The following GLRA3 variants were observed in gnomAD, a reference collection of about 807,000 sequenced individuals.
GLRA3 encodes the protein glycine receptor subunit alpha-3.
Under a neutral mutation model 60.4 loss-of-function variants are expected in GLRA3, and 44 were observed. That is an observed-to-expected ratio of 0.73 (90% CI 0.57 to 0.94). The LOEUF is 0.94. Among genes scored for constraint, GLRA3 ranks in the 40% least tolerant of loss-of-function variants. The probability of loss-of-function intolerance (pLI) is 0.00; values close to 1 mark genes in which losing one functional copy is unlikely to be tolerated. For missense variants in GLRA3, 508 were observed against 564.6 expected, an observed-to-expected ratio of 0.90 and a Z score of 1.02; for synonymous variants, 223 against 192.9, an observed-to-expected ratio of 1.16 and a Z score of -1.29.
chr4:174,824,117 C>A (rs1298346725), intron 1 of GLRA3, among the ~76,000 whole-genome samples: 1 of 152,208 alleles, frequency 6.6e-6, no homozygotes, highest in African/African-American at 2.4e-5. Context: ...GGAAACCTAG[C>A]TCTTCTGCAA....
intron 3 of GLRA3, among the ~76,000 whole-genome samples, chr4:174,729,147 T>A (rs960036683): frequency 6.6e-6 from 1 of 152,214 alleles, no homozygotes; most frequent in Non-Finnish European, 1.5e-5. Flanking sequence ...TGTTTAAAAC[T>A]TGCTGTTCCA....
At chr4:174,656,067 G>A (rs1017895648) in intron 9 of GLRA3, among the ~76,000 whole-genome samples, 7 of 152,024 alleles carry the variant, frequency 4.6e-5, no homozygotes, top group Non-Finnish European at 1.0e-4. Context: ...GTAGATTTCT[G>A]TTTAATTATT....
chr4:174,820,449 G>A (rs1411659566), intron 1 of GLRA3, among the ~76,000 whole-genome samples: 1 of 152,142 alleles, frequency 6.6e-6, no homozygotes, highest in African/African-American at 2.4e-5. Flanking sequence ...CCAGCAGAGA[G>A]AACTGGGAAT....
At chr4:174,712,269 CTTTGT>C (rs1735744263) in intron 5 of GLRA3, among the ~76,000 whole-genome samples, 1 of 152,030 alleles carries the variant, frequency 6.6e-6, no homozygotes. Flanking sequence ...TCACTTTCTC[CTTTGT>C]TTTAACAGTA....
intron 5 of GLRA3, among the ~76,000 whole-genome samples, chr4:174,691,620 G>C (rs571384678): frequency 2.0e-5 from 3 of 152,312 alleles, no homozygotes; most frequent in Non-Finnish European, 4.4e-5. Flanking sequence ...TCTCCAGCTC[G>C]TAACCGCGAG....
chr4:174,770,465 A>G (rs1738334997), intron 2 of GLRA3, among the ~76,000 whole-genome samples: 1 of 152,108 alleles, frequency 6.6e-6, no homozygotes, highest in Non-Finnish European at 1.5e-5. Context: ...CAGAGAGAGG[A>G]GTCAGGGCTT....
intron 5 of GLRA3, among the ~76,000 whole-genome samples, chr4:174,707,077 A>G (rs1201509542): frequency 6.6e-6 from 1 of 152,218 alleles, no homozygotes; most frequent in Non-Finnish European, 1.5e-5. Flanking sequence ...TGTTATTCTT[A>G]TAAGCAAGGA....
chr4:174,704,158 A>G lies in GLRA3; in HGVS notation c.574+11330T>C, dbSNP rs527563729. On this transcript the variant is annotated intron_variant, in intron 5 of 9. Coordinates refer to ENST00000274093, the MANE Select transcript of GLRA3 (RefSeq NM_006529.4). ...AAAAATACAAAAATTAGCCAGATGT[A>G]GTGGTGTATGTCTGTAGTCCCAGCT... Among the ~76,000 whole-genome samples the G allele has an allele frequency of 5.6e-5, 8 of 142,678 alleles. 1 individual carries two copies. In the South Asian group the frequency reaches 1.8e-3, roughly 32 times the overall value. The allele number at this position is 142,678 out of a possible 152,430, so 93.6% of individuals were successfully genotyped here.
chr4:174,645,943 G>A (rs575749665), intron 9 of GLRA3, among the ~76,000 whole-genome samples: 5 of 152,280 alleles, frequency 3.3e-5, no homozygotes, highest in African/African-American at 1.2e-4. Context: ...GCTGGTGTTT[G>A]CATTTCTAAA....
chr4:174,743,283 T>G (rs187241396), intron 3 of GLRA3, among the ~76,000 whole-genome samples: 3 of 152,318 alleles, frequency 2.0e-5, no homozygotes, highest in Admixed American at 2.0e-4. Flanking sequence ...TTAAAGAATC[T>G]AATATCCTCT....
intron 3 of GLRA3, among the ~76,000 whole-genome samples, chr4:174,738,662 G>A (rs1050732919): frequency 3.9e-5 from 6 of 152,110 alleles, no homozygotes; most frequent in African/African-American, 1.4e-4. Flanking sequence ...GATCTGTTCG[G>A]AATCGATTGA....
Position 174,677,206 on chromosome 4 carries a change from T to A in GLRA3, c.799A>T (p.Ile267Phe). 3 of 1,612,048 alleles carry A rather than the reference T, an allele frequency of 1.9e-6. No homozygotes were observed. Among genetic ancestry groups the A allele is most frequent in the Non-Finnish European group, 2.5e-6 (3 of 1,178,174 alleles). ...LIQMYIPSLLIVILSWVSFWI... is the reference protein window; with the variant it reads ...LIQMYIPSLLFVILSWVSFWI... The stretch of plus-strand genomic sequence containing the variant: ...AATGAAACCCAGGATAGAATAACAA[T>A]CAGGAGACTGGGAATGTACATCTGG... Residue 267 changes from isoleucine (I) to phenylalanine (F), a missense_variant, in exon 7 of 10, where the codon ATT becomes TTT. Ile to Phe is a conservative substitution (Grantham distance 21). Coordinates refer to ENST00000274093, the MANE Select transcript of GLRA3 (RefSeq NM_006529.4).
intron 9 of GLRA3, among the ~76,000 whole-genome samples, chr4:174,652,471 CTA>C (rs1733054510): frequency 6.6e-6 from 1 of 151,952 alleles, no homozygotes; most frequent in Admixed American, 6.6e-5. Context: ...AACCTTCTTA[CTA>C]TGTTTCAAGC....
intron 2 of GLRA3, 44 bp from the exon 3 acceptor site, chr4:174,767,074 TA>T: frequency 3.0e-6 from 3 of 991,856 alleles, no homozygotes; most frequent in Non-Finnish European, 4.8e-6. Context: ...GAGACTTATC[TA>T]AAACATTTTC....
chr4:174,825,579 T>C (rs1218693312), intron 1 of GLRA3, among the ~76,000 whole-genome samples: 1 of 152,104 alleles, frequency 6.6e-6, no homozygotes, highest in Non-Finnish European at 1.5e-5. Context: ...TTGGAAGTTG[T>C]TCTGCAAGCT....
chr4:174,669,506 A>G (rs766780103), intron 7 of GLRA3, among the ~76,000 whole-genome samples: 15 of 152,156 alleles, frequency 9.9e-5, no homozygotes, highest in Non-Finnish European at 1.5e-4. Context: ...CATGCTGATT[A>G]TCATAGTCAT....
intron 1 of GLRA3, among the ~76,000 whole-genome samples, chr4:174,798,928 G>GA (rs763905110): frequency 2.1e-3 from 285 of 134,930 alleles, no homozygotes; most frequent in African/African-American, 3.4e-3. Flanking sequence ...CTGAAAAAAG[G>GA]AAAAAAAAAA....
At chr4:174,687,111 T>C (rs1734578816) in intron 5 of GLRA3, among the ~76,000 whole-genome samples, 1 of 152,218 alleles carries the variant, frequency 6.6e-6, no homozygotes, top group Non-Finnish European at 1.5e-5. Context: ...GTAAAACTTC[T>C]AGTGCTTTAA....
intron 3 of GLRA3, among the ~76,000 whole-genome samples, chr4:174,746,409 G>A (rs2111184042): frequency 6.6e-6 from 1 of 152,190 alleles, no homozygotes. Flanking sequence ...GACAAATATT[G>A]CACCTTCACA....
Sources: gnomAD v4.1 joint callset for allele counts (sites outside exome capture counted in the v4.1 genomes callset) on GRCh38, gnomAD v4.1.1 for gene constraint, MANE v1.5 for transcripts, NCBI Gene and HGNC (gene_info 2026-07-23, HGNC 2026-07-21) for gene names.